Variants in KLF8 observed in about 807,000 individuals in gnomAD.
KLF8 encodes the protein Krueppel-like factor 8.
In KLF8, 10 loss-of-function variants were observed where a neutral mutation model predicts 18.2. The ratio of observed to expected loss-of-function variants is 0.55; its 90% CI spans 0.34 to 0.93. The LOEUF is 0.93. Ranked by LOEUF, KLF8 falls within the 40% of genes least tolerant of loss-of-function variation. KLF8 has a pLI of 0.02. For missense variants in KLF8, 264 were observed against 277.9 expected (o/e 0.95, Z 0.36); for synonymous variants, 109 against 97.3 (o/e 1.12, Z -0.71).
the KLF8 span, among the ~76,000 whole-genome samples, chrX:56,080,861 T>A: frequency 1.8e-5 from 2 of 111,000 alleles, no homozygotes; most frequent in Non-Finnish European, 3.8e-5. Context: ...TTTATTCTTT[T>A]TTCTCTAAAC....
the KLF8 span, among the ~76,000 whole-genome samples, chrX:56,177,542 G>C: frequency 3.6e-5 from 4 of 110,286 alleles, no homozygotes; most frequent in African/African-American, 1.3e-4. Context: ...TAGGCTACTC[G>C]GGGGTCAGGG....
chrX:56,060,749 G>A, the KLF8 span, among the ~76,000 whole-genome samples: 2 of 111,974 alleles, frequency 1.8e-5, no homozygotes, highest in East Asian at 5.6e-4. Flanking sequence ...CTATTGTTTG[G>A]AATAGTTTCA....
At chrX:56,276,947 T>G (rs2067130812) in intron 5 of KLF8, among the ~76,000 whole-genome samples, 2 of 112,014 alleles carry the variant, frequency 1.8e-5, no homozygotes, top group African/African-American at 6.5e-5. Context: ...TTTATTCTTT[T>G]GTCTCCTCTC....
chrX:55,929,913 G>A, the KLF8 span, among the ~76,000 whole-genome samples: 1 of 99,100 alleles, frequency 1.0e-5, no homozygotes, highest in Non-Finnish European at 2.0e-5. Context: ...TTTTAATTCT[G>A]TGAAGAAAGT....
chrX:56,176,360 G>A, the KLF8 span, among the ~76,000 whole-genome samples: 1 of 111,487 alleles, frequency 9.0e-6, no homozygotes, highest in Admixed American at 9.6e-5. Flanking sequence ...CTTCACTTCT[G>A]AAGCTTAGTT....
chrX:56,151,829 G>T, the KLF8 span, among the ~76,000 whole-genome samples: 1 of 111,354 alleles, frequency 9.0e-6, no homozygotes, highest in Non-Finnish European at 1.9e-5. Flanking sequence ...TCTCCTTATT[G>T]GAGGGAGAAG....
chrX:56,161,873 GCT>G, the KLF8 span, among the ~76,000 whole-genome samples: 1 of 111,457 alleles, frequency 9.0e-6, no homozygotes, highest in African/African-American at 3.3e-5. Flanking sequence ...CAGTTTTTCT[GCT>G]CTGTTTTTTC....
the KLF8 span, among the ~76,000 whole-genome samples, chrX:55,974,051 G>A: frequency 9.0e-6 from 1 of 111,615 alleles, no homozygotes; most frequent in African/African-American, 3.3e-5. Context: ...GCAGCTGGAG[G>A]CCATTATTTT....
At chrX:56,282,466 G>T (rs1000134924) in intron 5 of KLF8, among the ~76,000 whole-genome samples, 1 of 112,030 alleles carries the variant, frequency 8.9e-6, no homozygotes, top group African/African-American at 3.2e-5. Flanking sequence ...TGAAATGTTT[G>T]CCTTGATATA....
chrX:56,081,000 C>T, the KLF8 span, among the ~76,000 whole-genome samples: 1 of 111,145 alleles, frequency 9.0e-6, no homozygotes, highest in Non-Finnish European at 1.9e-5. Context: ...TCAGCTCCAT[C>T]AGCTCCTTTA....
the KLF8 span, among the ~76,000 whole-genome samples, chrX:56,086,584 G>A: frequency 2.7e-5 from 3 of 110,658 alleles, no homozygotes; most frequent in African/African-American, 9.8e-5. Context: ...ATAGTCTAAA[G>A]CAATAACACA....
At chrX:56,223,889 T>C in the KLF8 span, among the ~76,000 whole-genome samples, 3 of 111,833 alleles carry the variant, frequency 2.7e-5, no homozygotes, top group Non-Finnish European at 5.6e-5. Context: ...TAGATCACAT[T>C]AAGAGATTTT....
At chrX:55,945,390 A>G in the KLF8 span, among the ~76,000 whole-genome samples, 3 of 111,005 alleles carry the variant, frequency 2.7e-5, no homozygotes, top group Admixed American at 1.9e-4. Flanking sequence ...TATCCTTGTT[A>G]ACGTTCTGTC....
the KLF8 span, among the ~76,000 whole-genome samples, chrX:56,155,458 G>A: frequency 9.0e-6 from 1 of 110,579 alleles, no homozygotes; most frequent in Non-Finnish European, 1.9e-5. Context: ...CCTGTTGTGG[G>A]GTGGAGGAAG....
chrX:55,917,500 C>G, the KLF8 span, among the ~76,000 whole-genome samples: 1 of 111,732 alleles, frequency 8.9e-6, no homozygotes. Context: ...GGCCTACATA[C>G]TAAAATGGTC....
the KLF8 span, among the ~76,000 whole-genome samples, chrX:55,937,785 T>C: frequency 1.8e-5 from 2 of 111,267 alleles, no homozygotes; most frequent in Non-Finnish European, 3.8e-5. Context: ...CGATGGAAGA[T>C]GAAATGAATG....
At chrX:56,251,865 T>TG (rs1299900829) in intron 2 of KLF8, among the ~76,000 whole-genome samples, 2 of 111,757 alleles carry the variant, frequency 1.8e-5, no homozygotes, top group Non-Finnish European at 3.8e-5. Flanking sequence ...TTATGGAGAA[T>TG]GGGGTATCCA....
chrX:56,074,162 G>A, the KLF8 span, among the ~76,000 whole-genome samples: 408 of 111,635 alleles, frequency 3.7e-3, no homozygotes, highest in African/African-American at 0.013. Flanking sequence ...TTAAATTGTA[G>A]GTATTATTTA....
the KLF8 span, among the ~76,000 whole-genome samples, chrX:56,204,171 T>C: frequency 8.9e-6 from 1 of 111,858 alleles, no homozygotes; most frequent in Non-Finnish European, 1.9e-5. Flanking sequence ...AGATATATAA[T>C]TTTTTGTGTG....
Sources: allele counts gnomAD v4.1 joint callset (sites outside exome capture counted in the v4.1 genomes callset), GRCh38; gene constraint gnomAD v4.1.1; transcripts MANE v1.5; gene names NCBI Gene and HGNC (gene_info 2026-07-23, HGNC 2026-07-21).